The following COL5A2 variants were observed in gnomAD, a reference collection of about 807,000 sequenced individuals.
The protein encoded by COL5A2 is collagen alpha-2(V) chain.
A neutral mutation model predicts 208.2 loss-of-function variants in COL5A2; 23 were observed. The observed-to-expected ratio is 0.11, with a 90% confidence interval of 0.08 to 0.16. The LOEUF (loss-of-function observed/expected upper bound fraction) is 0.16, where lower values mean the gene tolerates loss of function less well. Among genes scored for constraint, COL5A2 ranks in the 10% least tolerant of loss-of-function variants. The pLI is 1.00. For synonymous variants in COL5A2, 625 were observed against 628.5 expected, an observed-to-expected ratio of 0.99 and a Z score of 0.08; for missense variants, 1,590 against 1,956.4, an observed-to-expected ratio of 0.81 and a Z score of 3.53.
the COL5A2 span, among the ~76,000 whole-genome samples, chr2:189,425,490 T>C: frequency 5.9e-5 from 9 of 152,198 alleles, no homozygotes; most frequent in Admixed American, 5.9e-4. Flanking sequence ...GTGGTATATA[T>C]ACACAATGAA....
At chr2:189,056,722 G>C in intron 35 of COL5A2, 1 of 550,088 alleles carries the variant, frequency 1.8e-6, no homozygotes, top group Non-Finnish European at 3.2e-6. Flanking sequence ...AAGATAAAGA[G>C]GGCCCCCATC....
At chr2:189,339,754 C>A in the COL5A2 span, among the ~76,000 whole-genome samples, 1 of 152,132 alleles carries the variant, frequency 6.6e-6, no homozygotes, top group Non-Finnish European at 1.5e-5. Flanking sequence ...TAGGCAATCA[C>A]GACAGGTGTG....
At chr2:189,093,670 T>C (rs756556760) in intron 6 of COL5A2, among the ~76,000 whole-genome samples, 2 of 152,236 alleles carry the variant, frequency 1.3e-5, no homozygotes, top group Non-Finnish European at 2.9e-5. Context: ...AAAACTTATA[T>C]TTAAAAATGA....
intron 1 of COL5A2, among the ~76,000 whole-genome samples, chr2:189,144,913 A>T (rs1688008971): frequency 6.6e-6 from 1 of 152,148 alleles, no homozygotes; most frequent in African/African-American, 2.4e-5. Context: ...CAAATTAATA[A>T]GATGAGAGAT....
In COL5A2 at chr2:189,036,799, T is replaced by C; in HGVS notation, c.3930A>G (p.Glu1310=). 1 of 1,609,664 alleles carries C rather than the reference T, an allele frequency of 6.2e-7. No homozygotes were observed. Among genetic ancestry groups the C allele is most frequent in the Non-Finnish European group, 8.5e-7 (1 of 1,176,938 alleles). The part of the protein sequence containing the change: ...KLCHSAKQSG[E]YWIDPNQGSV... ...ATCCTTGGTTAGGATCAATCCAGTA[T>C]TCACCTATTTTTCAAAATAGAAATT... The change falls in exon 52 of 54, where the codon GAA becomes GAG. Residue 1310 remains glutamate (E), a synonymous_variant. Coordinates refer to ENST00000374866, the MANE Select transcript of COL5A2 (RefSeq NM_000393.5).
chr2:189,415,156 T>C, the COL5A2 span, among the ~76,000 whole-genome samples: 1 of 152,210 alleles, frequency 6.6e-6, no homozygotes, highest in Non-Finnish European at 1.5e-5. Flanking sequence ...CCTCTGAATA[T>C]TGCTTTCTTT....
chr2:189,176,072 C>T (rs1011275195), intron 1 of COL5A2, among the ~76,000 whole-genome samples: 3 of 152,110 alleles, frequency 2.0e-5, no homozygotes, highest in African/African-American at 7.2e-5. Flanking sequence ...TGTTAAATAT[C>T]TGCTTCCTGA....
At chr2:189,418,119 C>T in the COL5A2 span, among the ~76,000 whole-genome samples, 1 of 151,626 alleles carries the variant, frequency 6.6e-6, no homozygotes, top group Non-Finnish European at 1.5e-5. Flanking sequence ...TATGAACTCA[C>T]CAATAATGAA....
In COL5A2 at chr2:189,179,605, G is replaced by C; in HGVS notation, c.-1C>G. On this transcript the variant is annotated 5_prime_UTR_variant, in exon 1 of 54. Transcript: ENST00000374866. ...TTGCTTCCGCCCAGTTTGCCATCAT[G>C]TCTAAATATTAGACATGTGGGTTCT... The C allele has an allele frequency of 1.2e-6, 2 of 1,601,922 alleles. No individual in the cohort carries two copies. Among genetic ancestry groups the C allele is most frequent in the Non-Finnish European group, 1.7e-6 (2 of 1,172,464 alleles).
upstream of COL5A2, among the ~76,000 whole-genome samples, chr2:189,227,455 A>G (rs1689435407): frequency 6.6e-6 from 1 of 152,122 alleles, no homozygotes; most frequent in South Asian, 2.1e-4. Flanking sequence ...TAAAAAGAAG[A>G]TCCGACTATG....
the COL5A2 span, among the ~76,000 whole-genome samples, chr2:189,358,317 G>T: frequency 6.6e-6 from 1 of 152,100 alleles, no homozygotes; most frequent in Non-Finnish European, 1.5e-5. Context: ...GATGTAAAAA[G>T]AGATTACTGT....
the COL5A2 span, among the ~76,000 whole-genome samples, chr2:189,305,718 T>C: frequency 6.6e-6 from 1 of 152,006 alleles, no homozygotes; most frequent in African/African-American, 2.4e-5. Flanking sequence ...CTGAAACTCT[T>C]ATACAGCACT....
In COL5A2 at chr2:189,167,944, A is replaced by ATT. The variant is rs71020985; in HGVS notation, c.97+11562_97+11563dup. ...CTCTTTTTTCCCAGTACAAACTCCT[A>ATT]TTTTTTTTTTTTTGAGACGGACTCT... On this transcript the variant is annotated intron_variant, in intron 1 of 53. Transcript: ENST00000374866. Among the ~76,000 whole-genome samples the ATT allele has an allele frequency of 8.0e-3, 1,116 of 139,904 alleles. 11 individuals carry two copies. Among genetic ancestry groups the ATT allele is most frequent in the African/African-American group, 0.027 (1,021 of 38,082 alleles). The allele number at this position is 139,904 out of a possible 152,430, so 91.8% of individuals were successfully genotyped here.
chr2:189,064,807 G>T (rs902154976), intron 24 of COL5A2, 152 bp from the exon 25 acceptor site: 6 of 842,930 alleles, frequency 7.1e-6, no homozygotes, highest in Non-Finnish European at 1.2e-5. Context: ...ACCACATTCC[G>T]CCAACTAGCA....
At chr2:189,258,809 T>C in the COL5A2 span, among the ~76,000 whole-genome samples, 1 of 151,952 alleles carries the variant, frequency 6.6e-6, no homozygotes. Context: ...GAGAAGAACA[T>C]GGGGCCAGGA....
intron 1 of COL5A2, among the ~76,000 whole-genome samples, chr2:189,111,173 T>C (rs1318943919): frequency 1.3e-5 from 2 of 152,132 alleles, no homozygotes; most frequent in Non-Finnish European, 1.5e-5. Context: ...ATTTGTCTAG[T>C]GCTTTTCTAC....
intron 29 of COL5A2, 47 bp from the exon 30 acceptor site, chr2:189,061,662 T>C: frequency 7.4e-7 from 1 of 1,348,584 alleles, no homozygotes; most frequent in Non-Finnish European, 1.1e-6. Context: ...CAGATCTTTG[T>C]CTGCTTCCTC....
At chr2:189,064,700 A>G (rs1686108968) in intron 24 of COL5A2, 45 bp from the exon 25 acceptor site, 2 of 1,308,106 alleles carry the variant, frequency 1.5e-6, no homozygotes, top group East Asian at 2.3e-5. Flanking sequence ...GAGTATAGAA[A>G]AACAAAAGCA....
chr2:189,393,324 A>G, the COL5A2 span, among the ~76,000 whole-genome samples: 1 of 152,154 alleles, frequency 6.6e-6, no homozygotes, highest in Admixed American at 6.6e-5. Context: ...AAAGAAAACT[A>G]ATAACTAAAT....
Sources: gnomAD v4.1 joint callset for allele counts (sites outside exome capture counted in the v4.1 genomes callset) on GRCh38, gnomAD v4.1.1 for gene constraint, MANE v1.5 for transcripts, NCBI Gene and HGNC (gene_info 2026-07-23, HGNC 2026-07-21) for gene names.